Variants in CSMD2 observed in about 807,000 individuals in gnomAD.
The protein encoded by CSMD2 is CUB and Sushi multiple domains 2, also known as CUB and sushi domain-containing protein 2.
CSMD2 carries 130 observed loss-of-function variants against 398.5 expected under a neutral mutation model. The observed-to-expected ratio is 0.33, with a 90% CI of 0.28 to 0.38. The LOEUF (loss-of-function observed/expected upper bound fraction) is 0.38, where lower values mean the gene tolerates loss of function less well. CSMD2 is among the 10% of genes least tolerant of loss of function. The pLI is 1.00. For synonymous variants in CSMD2, 1,828 were observed against 1,908.5 expected (o/e 0.96, Z 1.10); for missense variants, 3,829 against 4,764.9 (o/e 0.80, Z 5.78).
At chr1:33,722,826 A>G (rs554088676) in intron 19 of CSMD2, among the ~76,000 whole-genome samples, 47 of 152,120 alleles carry the variant, frequency 3.1e-4, no homozygotes, top group African/African-American at 1.1e-3. Context: ...TCTTTAAAGT[A>G]CGTGCCCACC....
intron 3 of CSMD2, among the ~76,000 whole-genome samples, chr1:33,961,497 T>A (rs1163204890): frequency 1.3e-5 from 2 of 152,204 alleles, no homozygotes; most frequent in Non-Finnish European, 2.9e-5. Flanking sequence ...GGTTCTGGAA[T>A]CAGATAGGCC....
At chr1:34,028,935 A>G (rs1364151719) in intron 3 of CSMD2, among the ~76,000 whole-genome samples, 1 of 152,042 alleles carries the variant, frequency 6.6e-6, no homozygotes, top group African/African-American at 2.4e-5. Flanking sequence ...TCATCACCTG[A>G]CTTCACCTTT....
chr1:33,792,669 G>T, intron 10 of CSMD2, 143 bp from the exon 11 acceptor site: 2 of 646,406 alleles, frequency 3.1e-6, no homozygotes, highest in Admixed American at 2.3e-5. Context: ...GACCATTTCT[G>T]TCCCACTTTA....
At chr1:33,870,793 A>C (rs1640406313) in intron 5 of CSMD2, 1 of 152,094 alleles carries the variant, frequency 6.6e-6, no homozygotes, top group Non-Finnish European at 1.5e-5. Context: ...CTGGTGGCCA[A>C]AGTGATAGGA....
chr1:33,560,143 T>C (rs1011326657), intron 53 of CSMD2, among the ~76,000 whole-genome samples: 11 of 152,162 alleles, frequency 7.2e-5, no homozygotes, highest in African/African-American at 2.7e-4. Flanking sequence ...TCTCAGCTGT[T>C]GAGGAGGGAG....
chr1:33,942,229 T>C (rs1045774485), intron 3 of CSMD2, among the ~76,000 whole-genome samples: 4 of 152,200 alleles, frequency 2.6e-5, no homozygotes, highest in Admixed American at 6.5e-5. Flanking sequence ...GGTTTTCACA[T>C]CACTGTCTGG....
At position 33,721,454 on chromosome 1, in the gene CSMD2, C is replaced by T. The variant is rs182645619; in HGVS notation, c.3001+2743G>A. Among the ~76,000 whole-genome samples, 21 of 152,324 alleles carry T rather than the reference C, an allele frequency of 1.4e-4. No individual in the cohort carries two copies. The East Asian group carries it at 1.5e-3, about 11-fold the overall frequency. On this transcript the variant is annotated intron_variant, in intron 19 of 70. Transcript: ENST00000373381. ...ACATAGAAACTCACAGAAAAACATA[C>T]ACCTCCTGTAATCACAGATGCCCAG...
chr1:33,529,337 G>A (rs1655048693), intron 64 of CSMD2, among the ~76,000 whole-genome samples: 2 of 152,060 alleles, frequency 1.3e-5, no homozygotes, highest in African/African-American at 2.4e-5. Flanking sequence ...TTGTAGACAT[G>A]TAGTCTCCCT....
At chr1:33,827,726 TG>T (rs1428171800) in intron 6 of CSMD2, among the ~76,000 whole-genome samples, 3 of 152,254 alleles carry the variant, frequency 2.0e-5, no homozygotes, top group Non-Finnish European at 4.4e-5. Flanking sequence ...CAACCTTGAC[TG>T]GTAGTTATTA....
chr1:33,607,006 C>A (rs1470119331), intron 41 of CSMD2, among the ~76,000 whole-genome samples: 1 of 152,188 alleles, frequency 6.6e-6, no homozygotes, highest in Admixed American at 6.5e-5. Context: ...TAAAGGGACA[C>A]ACCTGGTGAC....
rs1264511155 is a variant in CSMD2, at chr1:34,006,687, C to G, written c.517+25907G>C. Reference sequence around the variant, plus strand: ...TTTTTTTTCCATCTAATAACTAGCACAATGCAAGGTGGGATGAATAAGCAA... The same window carrying G: ...TTTTTTTTCCATCTAATAACTAGCAGAATGCAAGGTGGGATGAATAAGCAA... On this transcript the variant is annotated intron_variant, in intron 3 of 70. Transcript: ENST00000373381. Among the ~76,000 whole-genome samples the G allele has an allele frequency of 3.9e-5, 6 of 152,062 alleles. No homozygotes were observed. The East Asian group carries it at 9.6e-4, about 24-fold the overall frequency.
At chr1:33,980,101 G>T (rs1646113766) in intron 3 of CSMD2, among the ~76,000 whole-genome samples, 1 of 152,158 alleles carries the variant, frequency 6.6e-6, no homozygotes. Context: ...GGCACCAGTG[G>T]CCAGAACCCT....
rs975595990 is a variant in CSMD2 at position 33,706,853 on chromosome 1, G to A, written c.3576+2236C>T. 7.3e-5 allele frequency among the ~76,000 whole-genome samples: 11 copies of A among 151,646 alleles called. No homozygotes were observed. In the East Asian group the frequency reaches 1.9e-3, roughly 27 times the overall value. On this transcript the variant is annotated intron_variant, in intron 22 of 70. Coordinates refer to ENST00000373381, the MANE Select transcript of CSMD2 (RefSeq NM_001281956.2). ...GTATGTGTGTGTGCGTGTGTGCATT[G>A]TGTGCGTGTGCATGTGTGTGCATGT...
chr1:34,086,591 C>T (rs1258885357), intron 2 of CSMD2, among the ~76,000 whole-genome samples: 1 of 152,154 alleles, frequency 6.6e-6, no homozygotes, highest in Non-Finnish European at 1.5e-5. Context: ...CCATAGCCCA[C>T]ACCCAATGCA....
At chr1:33,794,491 A>G (rs905917630) in intron 10 of CSMD2, among the ~76,000 whole-genome samples, 1 of 152,216 alleles carries the variant, frequency 6.6e-6, no homozygotes, top group African/African-American at 2.4e-5. Context: ...GCGGTGTGGA[A>G]CAGGATGACT....
chr1:33,661,365 C>T (rs1188237479), intron 26 of CSMD2, among the ~76,000 whole-genome samples: 1 of 152,100 alleles, frequency 6.6e-6, no homozygotes, highest in Non-Finnish European at 1.5e-5. Context: ...CAGCAACTTC[C>T]CAAGTTTGTT....
chr1:33,880,794 C>A (rs181509792), intron 5 of CSMD2, among the ~76,000 whole-genome samples: 3 of 152,174 alleles, frequency 2.0e-5, no homozygotes, highest in Non-Finnish European at 4.4e-5. Context: ...CCTCTTAAGA[C>A]CTACCAAGGG....
chr1:33,710,684 C>T (rs1264893895), intron 21 of CSMD2, among the ~76,000 whole-genome samples: 2 of 152,114 alleles, frequency 1.3e-5, no homozygotes, highest in African/African-American at 4.8e-5. Flanking sequence ...ATTGCTTGGG[C>T]CTTATAGTTA....
intron 44 of CSMD2, among the ~76,000 whole-genome samples, chr1:33,595,456 C>T (rs1355071392): frequency 6.6e-6 from 1 of 152,042 alleles, no homozygotes; most frequent in Non-Finnish European, 1.5e-5. Flanking sequence ...ACTTCTTTTT[C>T]CCTTTGTTAT....
Sources: gnomAD v4.1 joint callset for allele counts (sites outside exome capture counted in the v4.1 genomes callset) on GRCh38, gnomAD v4.1.1 for gene constraint, MANE v1.5 for transcripts, NCBI Gene and HGNC (gene_info 2026-07-23, HGNC 2026-07-21) for gene names.